The following ASCC1 variants were observed in gnomAD, a reference collection of about 807,000 sequenced individuals.
ASCC1 encodes ASC-1 complex subunit P50.
ASCC1 carries 35 observed loss-of-function variants against 46.6 expected under a neutral mutation model. The observed-to-expected ratio is 0.75, with a 90% CI of 0.57 to 0.99. The LOEUF (loss-of-function observed/expected upper bound fraction) is 0.99. Ranked by LOEUF, ASCC1 falls within the 50% of genes least tolerant of loss-of-function variation. ASCC1 has a pLI of 0.00. For synonymous variants in ASCC1, 143 were observed against 146.6 expected (o/e 0.98, Z 0.18); for missense variants, 376 against 428.7 (o/e 0.88, Z 1.09).
intron 5 of ASCC1, among the ~76,000 whole-genome samples, chr10:72,162,316 G>A (rs1305826207): frequency 6.6e-6 from 1 of 151,798 alleles, no homozygotes; most frequent in Non-Finnish European, 1.5e-5. Context: ...GACTACAGGC[G>A]CCCGCCACCA....
intron 9 of ASCC1, among the ~76,000 whole-genome samples, chr10:72,112,564 T>C (rs1349082680): frequency 6.6e-6 from 1 of 152,036 alleles, no homozygotes; most frequent in East Asian, 1.9e-4. Flanking sequence ...AAATAGCCAA[T>C]CTTATGTATA....
intron 7 of ASCC1, among the ~76,000 whole-genome samples, chr10:72,152,060 C>T (rs1487566418): frequency 1.5e-4 from 23 of 150,214 alleles, no homozygotes; most frequent in Non-Finnish European, 2.8e-4. Context: ...GGTGTGATCA[C>T]GGCTCACTGC....
chr10:72,153,114 G>A (rs1301699592), intron 6 of ASCC1, 126 bp from the exon 7 acceptor site: 1 of 1,266,002 alleles, frequency 7.9e-7, no homozygotes, highest in Non-Finnish European at 1.1e-6. Flanking sequence ...AAACATGGTA[G>A]TTGTGTTTTT....
intron 9 of ASCC1, among the ~76,000 whole-genome samples, chr10:72,114,450 C>T (rs983877091): frequency 4.0e-5 from 6 of 151,878 alleles, no homozygotes; most frequent in African/African-American, 1.5e-4. Flanking sequence ...ATGGTGAAAC[C>T]CCGTCTCTAC....
At position 72,213,266 on chromosome 10, in the gene ASCC1, A is replaced by C; in HGVS notation, c.33T>G (p.Ile11Met). 1 of 1,613,906 alleles carries C rather than the reference A, an allele frequency of 6.2e-7. No individual in the cohort carries two copies. Among genetic ancestry groups the C allele is most frequent in the Non-Finnish European group, 8.5e-7 (1 of 1,179,868 alleles). The change falls in exon 2 of 10, where the codon ATT becomes ATG. Residue 11 changes from isoleucine (I) to methionine (M), a missense_variant. Ile to Met is a conservative substitution (Grantham distance 10). Coordinates refer to ENST00000672957, the MANE Select transcript of ASCC1 (RefSeq NM_001198800.3). ...GATTCTTCCTGTAATTCCGGCCATC[A>C]ATTCTTATAAGCTGTGGACGCAGAA... Reference protein sequence around the residue: MEVLRPQLIRIDGRNYRKNPV... With the variant: MEVLRPQLIRMDGRNYRKNPV...
At chr10:72,183,643 T>A (rs1229884676) in intron 5 of ASCC1, among the ~76,000 whole-genome samples, 2 of 151,388 alleles carry the variant, frequency 1.3e-5, no homozygotes, top group African/African-American at 4.9e-5. Flanking sequence ...AGTGAGACCA[T>A]GTCTCAAAAA....
intron 9 of ASCC1, 75 bp downstream of exon 9, chr10:72,128,007 G>A (rs996310739): frequency 1.0e-4 from 112 of 1,123,648 alleles, no homozygotes; most frequent in African/African-American, 3.1e-5. Flanking sequence ...AGAAATATAC[G>A]GAGAACTACT....
intron 7 of ASCC1, among the ~76,000 whole-genome samples, chr10:72,148,116 T>C (rs1267946928): frequency 6.6e-6 from 1 of 152,144 alleles, no homozygotes; most frequent in African/African-American, 2.4e-5. Flanking sequence ...CTTCACTATA[T>C]ATTTACAGGT....
At chr10:72,211,563 TGCGC>T (rs1858116607) in intron 2 of ASCC1, among the ~76,000 whole-genome samples, 4 of 151,932 alleles carry the variant, frequency 2.6e-5, no homozygotes, top group Admixed American at 6.6e-5. Context: ...CACTCCAGAA[TGCGC>T]TTGTCTCTTA....
intron 6 of ASCC1, among the ~76,000 whole-genome samples, chr10:72,161,100 AAAGT>A (rs1054311922): frequency 7.2e-5 from 11 of 151,994 alleles, no homozygotes; most frequent in Admixed American, 4.6e-4. Context: ...AAAAAAAAAG[AAAGT>A]AAGTCAGTAT....
In ASCC1 at chr10:72,213,336, A is replaced by C. The variant is rs375135993; in HGVS notation, c.-33-5T>G. Reference sequence around the variant, plus strand: ...AAATGATATTCCAATTATGCCCTGAAAAATATAATTACCATCTTACCTTTC... The same window carrying C: ...AAATGATATTCCAATTATGCCCTGACAAATATAATTACCATCTTACCTTTC... On this transcript the variant is annotated splice_region_variant and splice_polypyrimidine_tract_variant and intron_variant, in intron 1 of 9. Transcript: ENST00000672957. The C allele has an allele frequency of 1.2e-5, 17 of 1,416,046 alleles. No individual in the cohort carries two copies. The African/African-American group carries it at 1.8e-4, about 15-fold the overall frequency. The allele number at this position is 1,416,046 out of a possible 1,614,324, so 87.7% of individuals were successfully genotyped here. A position where few individuals can be genotyped will look rare whatever the true frequency, so the allele number is the denominator to read the frequency against.
intron 5 of ASCC1, among the ~76,000 whole-genome samples, chr10:72,171,304 C>A (rs1441217059): frequency 6.6e-6 from 1 of 152,206 alleles, no homozygotes; most frequent in Non-Finnish European, 1.5e-5. Flanking sequence ...GGCTCCAGGG[C>A]AAATCACTTC....
At chr10:72,140,675 A>AG in intron 7 of ASCC1, among the ~76,000 whole-genome samples, 1 of 152,276 alleles carries the variant, frequency 6.6e-6, no homozygotes, top group South Asian at 2.1e-4. Context: ...GAGTTGGAGG[A>AG]GGGGGAAAAG....
intron 5 of ASCC1, among the ~76,000 whole-genome samples, chr10:72,172,789 AT>A (rs1851320822): frequency 1.5e-5 from 2 of 134,828 alleles, no homozygotes; most frequent in South Asian, 2.1e-4. Flanking sequence ...TATATTATAT[AT>A]TATATATTAT....
At chr10:72,189,913 T>G in intron 5 of ASCC1, 1 of 687,550 alleles carries the variant, frequency 1.5e-6, no homozygotes, top group Non-Finnish European at 2.6e-6. Flanking sequence ...AGCCTTTCTG[T>G]CTGGCGGCAG....
intron 7 of ASCC1, among the ~76,000 whole-genome samples, chr10:72,149,356 T>A (rs1158999527): frequency 2.1e-5 from 3 of 139,720 alleles, no homozygotes; most frequent in East Asian, 2.1e-4. Flanking sequence ...GAGAATGGCG[T>A]GAACCCGGGA....
chr10:72,110,077 C>T (rs1489283231), intron 9 of ASCC1, among the ~76,000 whole-genome samples: 1 of 152,254 alleles, frequency 6.6e-6, no homozygotes, highest in Non-Finnish European at 1.5e-5. Context: ...CTGTGACTAG[C>T]AACCCTAAGG....
chr10:72,204,974 A>C (rs913711398), intron 3 of ASCC1, among the ~76,000 whole-genome samples: 1 of 152,230 alleles, frequency 6.6e-6, no homozygotes, highest in Admixed American at 6.5e-5. Flanking sequence ...TAGAAAGCAA[A>C]GTGGTTGAGG....
chr10:72,117,042 C>T (rs1843569997), intron 9 of ASCC1, among the ~76,000 whole-genome samples: 1 of 152,226 alleles, frequency 6.6e-6, no homozygotes, highest in African/African-American at 2.4e-5. Flanking sequence ...AAGCGATTCT[C>T]CTGCCTCAGC....
Sources: allele counts gnomAD v4.1 joint callset (sites outside exome capture counted in the v4.1 genomes callset), GRCh38; gene constraint gnomAD v4.1.1; transcripts MANE v1.5; gene names NCBI Gene and HGNC (gene_info 2026-07-23, HGNC 2026-07-21).